IL1RAPL2: variants seen among roughly 807,000 people sequenced by gnomAD.
IL1RAPL2 encodes the protein interleukin 1 receptor accessory protein like 2.
A neutral mutation model predicts 44.1 loss-of-function variants in IL1RAPL2; 3 were observed. The ratio of observed to expected loss-of-function variants is 0.07; its 90% confidence interval spans 0.03 to 0.18. The LOEUF is 0.18. Among genes scored for constraint, IL1RAPL2 ranks in the 10% least tolerant of loss-of-function variants. IL1RAPL2 has a pLI of 1.00. For synonymous variants in IL1RAPL2, 181 were observed against 178.8 expected (o/e 1.01, Z -0.10); for missense variants, 391 against 496.4 (o/e 0.79, Z 2.02).
intron 2 of IL1RAPL2, among the ~76,000 whole-genome samples, chrX:104,904,728 G>C (rs1279702566): frequency 3.8e-4 from 42 of 109,656 alleles, no homozygotes; most frequent in African/African-American, 1.3e-3. Flanking sequence ...TTGGTTCCAA[G>C]TCTTTGCTAT....
intron 2 of IL1RAPL2, among the ~76,000 whole-genome samples, chrX:105,175,636 C>T (rs1179953631): frequency 9.1e-6 from 1 of 110,219 alleles, no homozygotes; most frequent in Non-Finnish European, 1.9e-5. Flanking sequence ...TGGAAAACAC[C>T]ATACCAGCAG....
At chrX:105,151,651 CAAACA>C (rs1270660404) in intron 2 of IL1RAPL2, among the ~76,000 whole-genome samples, 1 of 109,931 alleles carries the variant, frequency 9.1e-6, no homozygotes, top group East Asian at 2.9e-4. Flanking sequence ...AGCAAGATGA[CAAACA>C]TAAATAATAA....
intron 2 of IL1RAPL2, among the ~76,000 whole-genome samples, chrX:105,003,699 A>G (rs2030892538): frequency 9.1e-6 from 1 of 109,896 alleles, no homozygotes. Flanking sequence ...TACATCTTCC[A>G]TGTGATTCTG....
chrX:104,617,687 A>T (rs1929306176), intron 1 of IL1RAPL2, among the ~76,000 whole-genome samples: 1 of 112,048 alleles, frequency 8.9e-6, no homozygotes, highest in Non-Finnish European at 1.9e-5. Context: ...TGAGTTTTTC[A>T]ATTTCAGAAG....
At chrX:104,867,307 G>C (rs1279844005) in intron 2 of IL1RAPL2, among the ~76,000 whole-genome samples, 1 of 110,059 alleles carries the variant, frequency 9.1e-6, no homozygotes, top group African/African-American at 3.3e-5. Context: ...ACAGGATTGG[G>C]GAACTAAAAA....
intron 2 of IL1RAPL2, among the ~76,000 whole-genome samples, chrX:105,170,849 A>G (rs748655561): frequency 8.9e-6 from 1 of 112,292 alleles, no homozygotes; most frequent in Admixed American, 9.4e-5. Flanking sequence ...TTTCATTTTT[A>G]ATTTTTGAAG....
At chrX:105,287,239 T>A (rs1262383840) in intron 5 of IL1RAPL2, among the ~76,000 whole-genome samples, 6 of 111,543 alleles carry the variant, frequency 5.4e-5, no homozygotes, top group African/African-American at 2.0e-4. Flanking sequence ...AAAGAGTAAG[T>A]GAGCATTAAC....
At chrX:104,677,310 C>G (rs1930788093) in intron 2 of IL1RAPL2, among the ~76,000 whole-genome samples, 1 of 110,144 alleles carries the variant, frequency 9.1e-6, no homozygotes, top group African/African-American at 3.3e-5. Flanking sequence ...AGTTTTCCTT[C>G]TAACAGACCG....
intron 10 of IL1RAPL2, among the ~76,000 whole-genome samples, chrX:105,760,061 C>G (rs770504714): frequency 1.8e-5 from 2 of 111,387 alleles, no homozygotes; most frequent in African/African-American, 6.5e-5. Context: ...TGTCCATTAT[C>G]CCCTTCATGT....
chrX:104,865,921 T>C (rs1440926232), intron 2 of IL1RAPL2, among the ~76,000 whole-genome samples: 2 of 112,347 alleles, frequency 1.8e-5, no homozygotes, highest in African/African-American at 6.5e-5. Context: ...CTTGTGATCC[T>C]GTCAGTCAAT....
intron 5 of IL1RAPL2, among the ~76,000 whole-genome samples, chrX:105,385,782 T>C (rs1001335477): frequency 5.4e-5 from 6 of 110,729 alleles, no homozygotes; most frequent in African/African-American, 1.6e-4. Flanking sequence ...GTAGAGGAAC[T>C]ATTAAGTAAG....
At chrX:104,933,695 G>T (rs980441455) in intron 2 of IL1RAPL2, among the ~76,000 whole-genome samples, 3 of 111,450 alleles carry the variant, frequency 2.7e-5, no homozygotes, top group Admixed American at 9.6e-5. Flanking sequence ...GTCAGGAGAG[G>T]ATCCAATCTT....
intron 2 of IL1RAPL2, among the ~76,000 whole-genome samples, chrX:104,846,556 A>C (rs1489442805): frequency 8.9e-6 from 1 of 111,867 alleles, no homozygotes; most frequent in African/African-American, 3.2e-5. Context: ...ATAGTAATCC[A>C]TGGTGTATAT....
chrX:105,695,569 G>A (rs918541685), intron 6 of IL1RAPL2, among the ~76,000 whole-genome samples: 1 of 111,349 alleles, frequency 9.0e-6, no homozygotes, highest in African/African-American at 3.3e-5. Flanking sequence ...TCCTTGGTAT[G>A]TATTATCCAT....
rs190883569 is a variant in IL1RAPL2 at position 105,508,130 on chromosome X, A to G, written c.772+23743A>G. 8.8e-4 allele frequency among the ~76,000 whole-genome samples: 98 copies of G among 111,257 alleles called. 1 individual carries two copies. The highest frequency in any genetic ancestry group is 6.7e-3 in the Admixed American group (70 of 10,396). ...ACCCTCTACCAAGTAAACCTTTGTT[A>G]TTTTGTCCCAAGGAAGAATGAAACC... is the stretch of plus-strand genomic sequence containing the variant. On this transcript the variant is annotated intron_variant, in intron 6 of 10. Coordinates refer to ENST00000372582, the MANE Select transcript of IL1RAPL2 (RefSeq NM_017416.2).
At chrX:105,264,993 A>G (rs1319226683) in intron 4 of IL1RAPL2, among the ~76,000 whole-genome samples, 1 of 112,444 alleles carries the variant, frequency 8.9e-6, no homozygotes, top group Non-Finnish European at 1.9e-5. Flanking sequence ...TTCCCAAAGA[A>G]CATATAAAGA....
chrX:105,326,366 T>C, intron 5 of IL1RAPL2, among the ~76,000 whole-genome samples: 1 of 111,853 alleles, frequency 8.9e-6, no homozygotes, highest in Middle Eastern at 4.6e-3. Context: ...CTGTCTTCTT[T>C]TTTTTTAATG....
At chrX:104,995,786 C>A (rs762274362) in intron 2 of IL1RAPL2, among the ~76,000 whole-genome samples, 23 of 111,960 alleles carry the variant, frequency 2.1e-4, no homozygotes, top group Admixed American at 1.8e-3. Flanking sequence ...AGAGGATTAT[C>A]CTCTTTGCCA....
chrX:105,452,612 C>G (rs1466805697), intron 5 of IL1RAPL2, among the ~76,000 whole-genome samples: 1 of 111,413 alleles, frequency 9.0e-6, no homozygotes, highest in Admixed American at 9.6e-5. Flanking sequence ...TTATTGGGCT[C>G]TATCTTTGTT....
Sources: allele counts gnomAD v4.1 joint callset (sites outside exome capture counted in the v4.1 genomes callset), GRCh38; gene constraint gnomAD v4.1.1; transcripts MANE v1.5; gene names NCBI Gene and HGNC (gene_info 2026-07-23, HGNC 2026-07-21).